The following DYNLL1 variants were observed in gnomAD, a reference collection of about 807,000 sequenced individuals.
DYNLL1 encodes dynein light chain 1, cytoplasmic.
A neutral mutation model predicts 10.1 loss-of-function variants in DYNLL1; 3 were observed. That is an observed-to-expected ratio of 0.30 (90% confidence interval 0.14 to 0.77). The LOEUF (loss-of-function observed/expected upper bound fraction) is 0.77. Ranked by LOEUF, DYNLL1 falls within the 30% of genes least tolerant of loss-of-function variation. DYNLL1 has a pLI of 0.66. For synonymous variants in DYNLL1, 46 were observed against 41.2 expected, an observed-to-expected ratio of 1.12 and a Z score of -0.45; for missense variants, 47 against 111.7, an observed-to-expected ratio of 0.42 and a Z score of 2.61.
intron 1 of DYNLL1, among the ~76,000 whole-genome samples, chr12:120,489,463 T>A (rs1438823448): frequency 1.3e-5 from 2 of 152,210 alleles, no homozygotes; most frequent in African/African-American, 4.8e-5. Context: ...GCTCAGCAAA[T>A]CTGTCAGCTC....
At chr12:120,492,824 T>C (rs1879168005), upstream of DYNLL1, among the ~76,000 whole-genome samples, 1 of 152,212 alleles carries the variant, frequency 6.6e-6, no homozygotes, top group Admixed American at 6.5e-5. This position sits in a 1 kb window ranked among gnomAD's most constrained non-coding sequence, Gnocchi z 4.1. Flanking sequence ...GAACCCCATA[T>C]GGGCCACTTC....
chr12:120,479,443 C>T (rs1169451739), intron 1 of DYNLL1, among the ~76,000 whole-genome samples: 2 of 81,720 alleles, frequency 2.4e-5, no homozygotes, highest in Non-Finnish European at 2.4e-5. Context: ...AGTGAAACTC[C>T]GTCTCCAAAA....
At chr12:120,481,737 C>T (rs1452251684) in intron 1 of DYNLL1, among the ~76,000 whole-genome samples, 3 of 152,240 alleles carry the variant, frequency 2.0e-5, no homozygotes, top group African/African-American at 7.2e-5. Context: ...CCCCACTCCC[C>T]TCCCTGGAGG....
chr12:120,480,539 C>T (rs1878857988), intron 1 of DYNLL1, among the ~76,000 whole-genome samples: 1 of 152,148 alleles, frequency 6.6e-6, no homozygotes. Flanking sequence ...TTTCCTTCCT[C>T]CAGGTCTTTG....
chr12:120,486,974 C>CTTTT (rs530890471), intron 1 of DYNLL1, among the ~76,000 whole-genome samples: 5 of 132,936 alleles, frequency 3.8e-5, no homozygotes, highest in African/African-American at 1.1e-4. Flanking sequence ...ACAGGAGAAT[C>CTTTT]TTTTTTTTTT....
At position 120,498,198 on chromosome 12, in the gene DYNLL1, C is replaced by G; in HGVS notation, c.258C>G (p.Phe86Leu). Residue 86 changes from phenylalanine (F) to leucine (L), a missense_variant, in exon 3 of 3, where the codon TTC becomes TTG. Physicochemically the swap from Phe to Leu is conservative, Grantham distance 22. Transcript: ENST00000242577. ...FYLGQVAILL[F>L]KSG ...TGGGCCAAGTGGCCATTCTTCTGTT[C>G]AAATCTGGTTAAAAGCATGGACTGT... is the stretch of plus-strand genomic sequence containing the variant. 1 of 1,613,180 alleles carries G rather than the reference C, an allele frequency of 6.2e-7. No individual in the cohort carries two copies. Among genetic ancestry groups the G allele is most frequent in the Non-Finnish European group, 8.5e-7 (1 of 1,179,942 alleles).
chr12:120,472,910 T>C (rs909536071), intron 1 of DYNLL1, among the ~76,000 whole-genome samples: 2 of 152,192 alleles, frequency 1.3e-5, no homozygotes, highest in African/African-American at 4.8e-5. Flanking sequence ...GAGACCACAA[T>C]TATGACTTCA....
chr12:120,492,784 T>C (rs1879163588), upstream of DYNLL1, among the ~76,000 whole-genome samples: 1 of 152,102 alleles, frequency 6.6e-6, no homozygotes, highest in South Asian at 2.1e-4. This position sits in a 1 kb window ranked among gnomAD's most constrained non-coding sequence, Gnocchi z 4.1. Flanking sequence ...GGAGTAGATA[T>C]AGTAAGTTGC....
chr12:120,497,935 G>A (rs1296387347), intron 2 of DYNLL1, 138 bp from the exon 3 acceptor site: 1 of 840,548 alleles, frequency 1.2e-6, no homozygotes, highest in East Asian at 2.7e-5. Context: ...GCTTGGAGCT[G>A]GGGAACATTC....
At chr12:120,471,763 A>G (rs1242749090) in intron 1 of DYNLL1, among the ~76,000 whole-genome samples, 1 of 151,944 alleles carries the variant, frequency 6.6e-6, no homozygotes, top group African/African-American at 2.4e-5. Context: ...GGTGCCTGCC[A>G]CCACGCCCGG....
chr12:120,480,905 G>A (rs764634632), intron 1 of DYNLL1, among the ~76,000 whole-genome samples: 6 of 151,878 alleles, frequency 4.0e-5, no homozygotes, highest in South Asian at 2.1e-4. Context: ...GACTACAGGC[G>A]CCCGCCACCA....
Position 120,498,231 on chromosome 12 carries a change from A to C in DYNLL1, c.*21A>C. The C allele has an allele frequency of 6.2e-7, 1 of 1,602,682 alleles. No homozygotes were observed. ...GTTAAAAGCATGGACTGTGCCACACACCCAGTGATCCATCCAAAAACAAGG... is the reference window on the plus strand; with the variant it reads ...GTTAAAAGCATGGACTGTGCCACACCCCCAGTGATCCATCCAAAAACAAGG... On this transcript the variant is annotated 3_prime_UTR_variant, in exon 3 of 3. Transcript: ENST00000242577.
At chr12:120,483,236 G>A (rs1878924112) in intron 1 of DYNLL1, among the ~76,000 whole-genome samples, 1 of 151,944 alleles carries the variant, frequency 6.6e-6, no homozygotes, top group African/African-American at 2.4e-5. Context: ...TACAAGGGAG[G>A]CTGAGGCAGG....
upstream of DYNLL1, chr12:120,495,339 C>T (rs1447543643): frequency 2.0e-5 from 3 of 152,250 alleles, no homozygotes; most frequent in African/African-American, 7.2e-5. Flanking sequence ...CCCCGGGGCT[C>T]AACACTCCCA....
chr12:120,498,236 G>C lies in DYNLL1; in HGVS notation c.*26G>C. The C allele has an allele frequency of 6.3e-7, 1 of 1,593,996 alleles. No individual in the cohort carries two copies. ...AAGCATGGACTGTGCCACACACCCA[G>C]TGATCCATCCAAAAACAAGGACTGC... On this transcript the variant is annotated 3_prime_UTR_variant, in exon 3 of 3. Transcript: ENST00000242577.
At chr12:120,485,120 G>A (rs1453589347) in intron 1 of DYNLL1, among the ~76,000 whole-genome samples, 2 of 152,160 alleles carry the variant, frequency 1.3e-5, no homozygotes, top group African/African-American at 2.4e-5. Flanking sequence ...GGGAGGTGAA[G>A]GCAGGATGCC....
chr12:120,480,305 A>G (rs1279907114), intron 1 of DYNLL1, among the ~76,000 whole-genome samples: 2 of 152,204 alleles, frequency 1.3e-5, no homozygotes, highest in African/African-American at 4.8e-5. Flanking sequence ...TACCACATTC[A>G]TATGTGTGGA....
At chr12:120,471,499 C>T (rs1392789322) in intron 1 of DYNLL1, among the ~76,000 whole-genome samples, 1 of 152,206 alleles carries the variant, frequency 6.6e-6, no homozygotes, top group Non-Finnish European at 1.5e-5. Context: ...AAAGACTAGA[C>T]ACCCACATAT....
intron 1 of DYNLL1, among the ~76,000 whole-genome samples, chr12:120,489,001 TAGGC>T (rs1879060217): frequency 6.6e-6 from 1 of 151,978 alleles, no homozygotes; most frequent in Non-Finnish European, 1.5e-5. Context: ...CCAAAGCACT[TAGGC>T]AGGAAAATTA....
Sources: gnomAD v4.1 joint callset for allele counts (sites outside exome capture counted in the v4.1 genomes callset) on GRCh38, gnomAD v4.1.1 for gene constraint, Gnocchi (gnomAD v3.1) non-coding constraint, MANE v1.5 for transcripts, NCBI Gene and HGNC (gene_info 2026-07-23, HGNC 2026-07-21) for gene names.